The following SMARCB1 variants were observed in gnomAD, a reference collection of about 807,000 sequenced individuals.
SMARCB1 encodes the protein SWI/SNF related BAF chromatin remodeling complex subunit B1, also known as SWI/SNF-related matrix-associated actin-dependent regulator of chromatin subfamily B member 1.
Under a neutral mutation model 49.0 loss-of-function variants are expected in SMARCB1, and 5 were observed. That is an observed-to-expected ratio of 0.10 (90% CI 0.05 to 0.21). The LOEUF is 0.21. SMARCB1 is among the 10% of genes least tolerant of loss of function. The pLI, the probability that SMARCB1 is intolerant of heterozygous loss-of-function variation, is 1.00. For missense variants in SMARCB1, 226 were observed against 509.2 expected, an observed-to-expected ratio of 0.44 and a Z score of 5.35; for synonymous variants, 201 against 200.1, an observed-to-expected ratio of 1.00 and a Z score of -0.04.
At position 23,836,683 on chromosome 22, in the gene SMARCB1, G is replaced by A; in HGVS notation, c.*2503G>A. ...ACTGAGTGAGGACGGGGCAGGCATA[G>A]AAGGATGTGGCCAGGTGAGATGGGG... is the stretch of plus-strand genomic sequence containing the variant. On this transcript the variant is annotated 3_prime_UTR_variant, in exon 9 of 9. Transcript: ENST00000644036. 7.7e-7 allele frequency: 1 copy of A among 1,303,452 alleles called. No individual in the cohort carries two copies. The highest frequency in any genetic ancestry group is 2.7e-5 in the South Asian group (1 of 37,716). 80.7% of individuals were successfully genotyped at this position (1,303,452 alleles called of 1,614,324 possible).
At chr22:23,798,479 G>T (rs1283775948) in intron 3 of SMARCB1, among the ~76,000 whole-genome samples, 1 of 152,244 alleles carries the variant, frequency 6.6e-6, no homozygotes, top group East Asian at 1.9e-4. Flanking sequence ...TTGTAGAGGG[G>T]ACCCCTGTCT....
chr22:23,822,703 T>C (rs2030157643), intron 6 of SMARCB1, among the ~76,000 whole-genome samples: 1 of 151,960 alleles, frequency 6.6e-6, no homozygotes, highest in Non-Finnish European at 1.5e-5. Context: ...AGACCTTGGC[T>C]CCTCAGTCTT....
At chr22:23,801,230 G>T in intron 4 of SMARCB1, 149 bp downstream of exon 4, 2 of 1,132,754 alleles carry the variant, frequency 1.8e-6, no homozygotes, top group Non-Finnish European at 1.3e-6. Flanking sequence ...GAACTGTTGT[G>T]TTTCCCTGAC....
At chr22:23,819,424 G>C (rs1445644109) in intron 6 of SMARCB1, among the ~76,000 whole-genome samples, 1 of 152,082 alleles carries the variant, frequency 6.6e-6, no homozygotes, top group African/African-American at 2.4e-5. Context: ...CTGCCTCCCA[G>C]GTTCAAGCAA....
In SMARCB1 at chr22:23,818,863, C is replaced by A. The variant is rs536071665; in HGVS notation, c.795+1927C>A. On this transcript the variant is annotated intron_variant, in intron 6 of 8. Transcript: ENST00000644036. ...TTTTTAAAATGTATTTATTTTTAGA[C>A]AGGGTCTTACTCTGTTGCCCAGGCT... Among the ~76,000 whole-genome samples, 31 of 152,286 alleles carry A rather than the reference C, an allele frequency of 2.0e-4. 1 individual carries two copies. Among genetic ancestry groups the A allele is most frequent in the Admixed American group, 2.0e-3 (30 of 15,300 alleles).
Position 23,811,527 on chromosome 22 carries a change from C to A in SMARCB1, c.629-5243C>A, listed in dbSNP as rs73881831. On this transcript the variant is annotated intron_variant, in intron 5 of 8. Transcript: ENST00000644036. ...TTTAACAAATTTAAAGAATTGAAAC[C>A]ATACAGAGTGTGTTCTCCAACCACA... Among the ~76,000 whole-genome samples, 4 of 152,126 alleles carry A rather than the reference C, an allele frequency of 2.6e-5. No individual in the cohort carries two copies. In the South Asian group the frequency reaches 8.3e-4, roughly 32 times the overall value.
At chr22:23,795,303 T>G (rs1369974160) in intron 3 of SMARCB1, among the ~76,000 whole-genome samples, 4 of 151,952 alleles carry the variant, frequency 2.6e-5, no homozygotes, top group African/African-American at 9.7e-5. Context: ...CTGAGTGTGG[T>G]GATCACACCA....
chr22:23,816,852 C>T lies in SMARCB1; in HGVS notation c.711C>T (p.Ile237=), dbSNP rs1178245388. The change falls in exon 6 of 9, where the codon ATC becomes ATT. Residue 237 remains isoleucine, a synonymous_variant. Transcript: ENST00000644036. ...ACCCGCTGACGTTTGTGCCAGCCAT[C>T]GCCTCTGCCATCAGACAGCAGATCG... ...DLNPLTFVPA[I]ASAIRQQIES... 7 of 1,613,648 alleles carry T rather than the reference C, an allele frequency of 4.3e-6. No individual in the cohort carries two copies. Among genetic ancestry groups the T allele is most frequent in the South Asian group, 1.1e-5 (1 of 91,080 alleles).
chr22:23,834,090 C>T (rs1273185453), intron 8 of SMARCB1, 51 bp from the exon 9 acceptor site: 3 of 1,550,640 alleles, frequency 1.9e-6, no homozygotes, highest in Non-Finnish European at 2.6e-6. Context: ...AAGGGCAGCG[C>T]CCAGGCTGGG....
intron 7 of SMARCB1, among the ~76,000 whole-genome samples, chr22:23,829,261 C>A (rs544039546): frequency 4.6e-5 from 7 of 152,258 alleles, no homozygotes; most frequent in African/African-American, 1.7e-4. Context: ...AGGCTGTGGG[C>A]ATGAGGAAGG....
intron 7 of SMARCB1, among the ~76,000 whole-genome samples, chr22:23,827,007 G>A (rs569498605): frequency 6.6e-6 from 1 of 152,314 alleles, no homozygotes; most frequent in African/African-American, 2.4e-5. Flanking sequence ...CAGCTGTAGC[G>A]TGCATTCACC....
At chr22:23,796,556 G>A (rs1183091517) in intron 3 of SMARCB1, among the ~76,000 whole-genome samples, 1 of 152,182 alleles carries the variant, frequency 6.6e-6, no homozygotes, top group African/African-American at 2.4e-5. Context: ...TGATTCCCCT[G>A]AAAGGTGGCA....
chr22:23,833,775 C>T (rs1195319300), intron 8 of SMARCB1, 72 bp downstream of exon 8: 6 of 1,549,032 alleles, frequency 3.9e-6, no homozygotes, highest in Non-Finnish European at 5.3e-6. Context: ...AGGGCCATTG[C>T]CTTTCCCAGT....
chr22:23,795,734 A>C (rs1357904481), intron 3 of SMARCB1, among the ~76,000 whole-genome samples: 6 of 151,546 alleles, frequency 4.0e-5, no homozygotes, highest in Non-Finnish European at 8.8e-5. Flanking sequence ...AAAAACTGGC[A>C]ACATAAGGAA....
At chr22:23,830,111 A>G (rs1736065472) in intron 7 of SMARCB1, among the ~76,000 whole-genome samples, 1 of 152,174 alleles carries the variant, frequency 6.6e-6, no homozygotes, top group Admixed American at 6.5e-5. Flanking sequence ...ACTGCTGCTG[A>G]GAACATTTGT....
chr22:23,804,744 ATG>A (rs938108247), intron 5 of SMARCB1, among the ~76,000 whole-genome samples: 1 of 152,180 alleles, frequency 6.6e-6, no homozygotes, highest in Non-Finnish European at 1.5e-5. Context: ...GGGTTTCACC[ATG>A]TTAGCCAGGC....
rs17003912 is a variant in SMARCB1 at position 23,803,622 on chromosome 22, T to C, written c.628+200T>C. ...CACTGTGGATTGGGCCTGTGAACTT[T>C]GGACTCTTTCCCCATACTGAGGTTG... On this transcript the variant is annotated intron_variant, in intron 5 of 8. Coordinates refer to ENST00000644036, the MANE Select transcript of SMARCB1 (RefSeq NM_003073.5). The C allele has an allele frequency of 0.13, 91,120 of 686,874 alleles. 7,087 individuals carry two copies. Among genetic ancestry groups the C allele is most frequent in the South Asian group, 0.27 (16,340 of 59,926 alleles). 42.5% of individuals were successfully genotyped at this position (686,874 alleles called of 1,614,324 possible). A position where few individuals can be genotyped will look rare whatever the true frequency, so the allele number is the denominator to read the frequency against.
chr22:23,793,458 A>C (rs1258129765), intron 2 of SMARCB1, 101 bp from the exon 3 acceptor site: 15 of 1,261,078 alleles, frequency 1.2e-5, no homozygotes, highest in Non-Finnish European at 1.6e-5. Context: ...TGCTTTTCCC[A>C]CCTCCCGCAT....
intron 6 of SMARCB1, among the ~76,000 whole-genome samples, chr22:23,819,929 C>T (rs538461533): frequency 3.3e-5 from 5 of 152,132 alleles, no homozygotes; most frequent in South Asian, 2.1e-4. Flanking sequence ...TGGATTCAAG[C>T]GATTTTCCTG....
Sources: allele counts gnomAD v4.1 joint callset (sites outside exome capture counted in the v4.1 genomes callset), GRCh38; gene constraint gnomAD v4.1.1; transcripts MANE v1.5; gene names NCBI Gene and HGNC (gene_info 2026-07-23, HGNC 2026-07-21).